AFF2: variants seen among roughly 807,000 people sequenced by gnomAD.
AFF2 encodes the protein AF4/FMR2 family member 2.
Under a neutral mutation model 76.9 loss-of-function variants are expected in AFF2, and 14 were observed. The observed-to-expected ratio is 0.18, with a 90% CI of 0.12 to 0.28. AFF2 has a LOEUF of 0.28. AFF2 is among the 10% of genes least tolerant of loss of function. The pLI is 1.00. For missense variants in AFF2, 868 were observed against 1,001.1 expected (o/e 0.87, Z 1.79); for synonymous variants, 398 against 366.7 (o/e 1.09, Z -0.98).
chrX:148,662,624 G>A lies in AFF2; in HGVS notation c.897G>A (p.Pro299=), dbSNP rs200832993. 2.1e-5 allele frequency: 25 copies of A among 1,209,794 alleles called. No individual in the cohort carries two copies. The highest frequency in any genetic ancestry group is 2.0e-4 in the Admixed American group (9 of 45,729). ...CCATGGATGGCCAGGACCAGGCACC[G>A]GACATCTCACCAACACTGAAACCTT... ...VRPMDGQDQA[P]DISPTLKPSI... is the part of the protein sequence containing the mutation. The change falls in exon 3 of 21, where the codon CCG becomes CCA. Residue 299 remains proline, a synonymous_variant. Transcript: ENST00000370460.
At chrX:148,826,247 G>A in intron 4 of AFF2, among the ~76,000 whole-genome samples, 1 of 99,058 alleles carries the variant, frequency 1.0e-5, no homozygotes, top group Non-Finnish European at 2.0e-5. Context: ...GGGGGTGGGG[G>A]TAATTGGAAT....
chrX:148,919,431 A>G (rs1390782085), intron 9 of AFF2, among the ~76,000 whole-genome samples: 1 of 111,277 alleles, frequency 9.0e-6, no homozygotes, highest in African/African-American at 3.3e-5. Context: ...CAGTTTCTTC[A>G]TAATGAAACC....
chrX:148,735,100 C>T (rs782000717), intron 3 of AFF2, among the ~76,000 whole-genome samples: 4 of 112,064 alleles, frequency 3.6e-5, no homozygotes, highest in Non-Finnish European at 7.5e-5. Flanking sequence ...GCACAAGTGG[C>T]TTGCTTGGGA....
chrX:148,587,183 C>A (rs1365653310), intron 1 of AFF2, among the ~76,000 whole-genome samples: 1 of 111,907 alleles, frequency 8.9e-6, no homozygotes, highest in Non-Finnish European at 1.9e-5. Context: ...AGGGGAGATA[C>A]TTTCTGCATT....
At chrX:148,885,574 C>G (rs1426775154) in intron 7 of AFF2, among the ~76,000 whole-genome samples, 13 of 111,561 alleles carry the variant, frequency 1.2e-4, no homozygotes, top group African/African-American at 4.2e-4. Context: ...CCCACATACA[C>G]AGTGATTGAT....
intron 3 of AFF2, among the ~76,000 whole-genome samples, chrX:148,771,521 T>C (rs2069587461): frequency 8.9e-6 from 1 of 112,427 alleles, no homozygotes; most frequent in Admixed American, 9.4e-5. Context: ...TGCCTAGTAA[T>C]GAGCATTCCT....
chrX:148,555,313 G>T (rs2053040685), intron 1 of AFF2, among the ~76,000 whole-genome samples: 1 of 111,939 alleles, frequency 8.9e-6, no homozygotes, highest in Non-Finnish European at 1.9e-5. Flanking sequence ...TTAGTGAAGG[G>T]GCTGCGAGAG....
chrX:148,661,885 C>T, intron 2 of AFF2, 23 bp from the exon 3 acceptor site: 1 of 1,171,518 alleles, frequency 8.5e-7, no homozygotes, highest in Non-Finnish European at 1.1e-6. Flanking sequence ...TCTCCTCCCA[C>T]CCCCATCTTT....
rs782610217 is a variant in AFF2, at chrX:148,956,440, A to G, written c.2395A>G (p.Lys799Glu). ...LSPLRDHENL[K>E]NLWVKIDLDL... ...CCCTCTGCGAGATCATGAGAACCTG[A>G]AAAACCTCTGGGTGAAGATTGACCT... The change falls in exon 11 of 21, where the codon AAA becomes GAA. Residue 799 changes from lysine to glutamate, a missense_variant. By Grantham distance (56) the Lys-to-Glu change is moderately conservative. Coordinates refer to ENST00000370460, the MANE Select transcript of AFF2 (RefSeq NM_002025.4). 3 of 1,211,722 alleles carry G rather than the reference A, an allele frequency of 2.5e-6. No individual in the cohort carries two copies. Among genetic ancestry groups the G allele is most frequent in the Non-Finnish European group, 3.4e-6 (3 of 895,470 alleles).
intron 19 of AFF2, among the ~76,000 whole-genome samples, chrX:148,981,473 T>A (rs1003703602): frequency 2.3e-4 from 26 of 111,010 alleles, no homozygotes; most frequent in African/African-American, 8.2e-4. Context: ...GGCTTGTTCT[T>A]TATCGCTAAA....
At chrX:148,756,867 T>C (rs1337561421) in intron 3 of AFF2, among the ~76,000 whole-genome samples, 1 of 112,266 alleles carries the variant, frequency 8.9e-6, no homozygotes, top group Non-Finnish European at 1.9e-5. Flanking sequence ...AGTAGAACTT[T>C]TGATTTCTCA....
intron 3 of AFF2, among the ~76,000 whole-genome samples, chrX:148,709,416 T>A (rs1350109710): frequency 8.9e-6 from 1 of 111,845 alleles, no homozygotes; most frequent in African/African-American, 3.2e-5. Context: ...ATTGAATGTA[T>A]AAATTAGTGT....
chrX:148,716,244 T>C (rs1479742205), intron 3 of AFF2, among the ~76,000 whole-genome samples: 1 of 111,547 alleles, frequency 9.0e-6, no homozygotes, highest in Non-Finnish European at 1.9e-5. Flanking sequence ...CTGTTTATTG[T>C]GCCATCCCCT....
At chrX:148,683,527 A>G (rs1557260113) in intron 3 of AFF2, among the ~76,000 whole-genome samples, 1 of 112,078 alleles carries the variant, frequency 8.9e-6, no homozygotes, top group Non-Finnish European at 1.9e-5. Flanking sequence ...TTGCGAATGA[A>G]GAGGTCTGAA....
intron 3 of AFF2, among the ~76,000 whole-genome samples, chrX:148,773,691 A>AAGG: frequency 1.4e-5 from 1 of 72,931 alleles, no homozygotes; most frequent in Middle Eastern, 6.5e-3. Flanking sequence ...GGAAGGAAAG[A>AAGG]AAGAAAGAAA....
intron 1 of AFF2, among the ~76,000 whole-genome samples, chrX:148,614,746 C>CCTTCT (rs1435787630): frequency 0.044 from 1,678 of 37,888 alleles, 26 homozygotes; most frequent in Non-Finnish European, 0.06. Context: ...TCTTTTCTTT[C>CCTTCT]TTTCTTTCTT....
intron 1 of AFF2, among the ~76,000 whole-genome samples, chrX:148,503,361 T>C (rs930725346): frequency 4.8e-4 from 54 of 112,062 alleles, no homozygotes; most frequent in African/African-American, 1.7e-3. Context: ...AGTTACGTGT[T>C]CATTATATGT....
At chrX:148,942,030 A>G (rs1252269891) in intron 9 of AFF2, among the ~76,000 whole-genome samples, 1 of 110,453 alleles carries the variant, frequency 9.1e-6, no homozygotes, top group African/African-American at 3.3e-5. Context: ...GCCATCAAGG[A>G]ATGTACAATT....
At chrX:148,982,370 A>G (rs2072405879) in intron 19 of AFF2, among the ~76,000 whole-genome samples, 1 of 111,971 alleles carries the variant, frequency 8.9e-6, no homozygotes, top group Admixed American at 9.5e-5. Flanking sequence ...GGGGACAGAA[A>G]GCTGAATTTG....
Sources: gnomAD v4.1 joint callset for allele counts (sites outside exome capture counted in the v4.1 genomes callset) on GRCh38, gnomAD v4.1.1 for gene constraint, MANE v1.5 for transcripts, NCBI Gene and HGNC (gene_info 2026-07-23, HGNC 2026-07-21) for gene names.